The following CATSPERE variants were observed in gnomAD, a reference collection of about 807,000 sequenced individuals.
CATSPERE encodes the protein cation channel sperm-associated auxiliary subunit epsilon.
Under a neutral mutation model 114.1 loss-of-function variants are expected in CATSPERE, and 93 were observed. The ratio of observed to expected loss-of-function variants is 0.81; its 90% CI spans 0.69 to 0.97. The LOEUF (loss-of-function observed/expected upper bound fraction) is 0.97, where lower values mean the gene tolerates loss of function less well. Ranked by LOEUF, CATSPERE falls within the 50% of genes least tolerant of loss-of-function variation. CATSPERE has a pLI of 0.00. For missense variants in CATSPERE, 1,058 were observed against 1,131.6 expected (o/e 0.93, Z 0.93); for synonymous variants, 341 against 384.1 (o/e 0.89, Z 1.31).
At chr1:244,591,126 T>G (rs1667671106) in intron 14 of CATSPERE, among the ~76,000 whole-genome samples, 1 of 151,460 alleles carries the variant, frequency 6.6e-6, no homozygotes, top group African/African-American at 2.4e-5. Flanking sequence ...GGGGAGTTTT[T>G]GGTTTTTGTT....
At chr1:244,557,955 A>G (rs1427819365) in intron 9 of CATSPERE, among the ~76,000 whole-genome samples, 1 of 151,666 alleles carries the variant, frequency 6.6e-6, no homozygotes, top group African/African-American at 2.4e-5. Context: ...TGGTAAGTGC[A>G]TCTGAGTTTT....
chr1:244,572,830 T>C (rs1419340696), intron 11 of CATSPERE, 58 bp downstream of exon 11: 6 of 1,163,242 alleles, frequency 5.2e-6, no homozygotes, highest in Non-Finnish European at 7.0e-6. Context: ...AGTATAATAT[T>C]AACATTTTTG....
chr1:244,451,314 G>C (rs575994900), upstream of CATSPERE, among the ~76,000 whole-genome samples: 1 of 152,230 alleles, frequency 6.6e-6, no homozygotes, highest in Admixed American at 6.5e-5. The surrounding 1 kb of genome is among the most constrained non-coding windows in gnomAD (Gnocchi z 6.6). Context: ...CCTCCACCCC[G>C]GCCTCAGTCC....
intron 20 of CATSPERE, among the ~76,000 whole-genome samples, chr1:244,625,840 C>T (rs778670340): frequency 6.6e-6 from 1 of 151,388 alleles, no homozygotes; most frequent in Admixed American, 6.6e-5. Flanking sequence ...CCTTTTGCCT[C>T]GGCCTCCCAA....
rs566194559 is a variant in CATSPERE, at chr1:244,536,078, G to A, written c.537-16244G>A. 4.6e-5 allele frequency among the ~76,000 whole-genome samples: 7 copies of A among 151,978 alleles called. 1 individual carries two copies. The South Asian group carries it at 1.5e-3, about 32-fold the overall frequency. The stretch of plus-strand genomic sequence containing the variant: ...GTCTAGGAACTAGGGCCTGGCATGG[G>A]GGCCTCAGGACTGCCCAGTGCCCTT... On this transcript the variant is annotated intron_variant, in intron 8 of 21. Coordinates refer to ENST00000366534, the MANE Select transcript of CATSPERE (RefSeq NM_001130957.2).
chr1:244,494,105 T>TATAC (rs1473141555), intron 6 of CATSPERE, among the ~76,000 whole-genome samples: 1 of 152,144 alleles, frequency 6.6e-6, no homozygotes, highest in African/African-American at 2.4e-5. Context: ...TTACTGGGTA[T>TATAC]ATACCCAAAG....
intron 2 of CATSPERE, among the ~76,000 whole-genome samples, chr1:244,469,219 A>T (rs902874845): frequency 5.9e-5 from 9 of 152,172 alleles, no homozygotes; most frequent in Admixed American, 5.2e-4. Flanking sequence ...TTTTATTAGT[A>T]AAACATTTAA....
chr1:244,515,220 G>A (rs1413034852), intron 7 of CATSPERE: 2 of 433,256 alleles, frequency 4.6e-6, no homozygotes, highest in Non-Finnish European at 6.1e-6. Context: ...AATTCCTCAA[G>A]CATAGTAACT....
At chr1:244,634,322 C>G (rs12117123) in intron 20 of CATSPERE, among the ~76,000 whole-genome samples, 1 of 152,034 alleles carries the variant, frequency 6.6e-6, no homozygotes, top group African/African-American at 2.4e-5. Flanking sequence ...CTTTTTGAGC[C>G]GTTCTGTATC....
At chr1:244,560,445 A>G (rs1187213913) in intron 9 of CATSPERE, among the ~76,000 whole-genome samples, 1 of 151,990 alleles carries the variant, frequency 6.6e-6, no homozygotes, top group Non-Finnish European at 1.5e-5. Flanking sequence ...GGGATAAAAG[A>G]CTATACATTG....
At chr1:244,489,450 ATTTTTTTTT>A (rs10524749) in intron 5 of CATSPERE, among the ~76,000 whole-genome samples, 1,635 of 85,596 alleles carry the variant, frequency 0.019, 57 homozygotes, top group African/African-American at 0.064. Flanking sequence ...AAGCATGCAG[ATTTTTTTTT>A]TTTTTTTTTT....
chr1:244,468,842 T>C (rs1668016303), intron 2 of CATSPERE, among the ~76,000 whole-genome samples: 1 of 152,132 alleles, frequency 6.6e-6, no homozygotes, highest in Admixed American at 6.5e-5. Flanking sequence ...TGCTTGAGCC[T>C]GGCAGGGAGA....
At chr1:244,570,979 GCTAA>G (rs1264520688) in intron 10 of CATSPERE, among the ~76,000 whole-genome samples, 1 of 152,104 alleles carries the variant, frequency 6.6e-6, no homozygotes, top group Admixed American at 6.6e-5. Flanking sequence ...GACAAACCTG[GCTAA>G]AGAACAGACA....
At chr1:244,604,565 A>C (rs1669720460) in intron 17 of CATSPERE, among the ~76,000 whole-genome samples, 1 of 152,200 alleles carries the variant, frequency 6.6e-6, no homozygotes, top group Non-Finnish European at 1.5e-5. Context: ...GTGCAGCAAG[A>C]AGCTCTACCA....
At chr1:244,492,337 C>T (rs1558363721) in intron 6 of CATSPERE, among the ~76,000 whole-genome samples, 2 of 151,948 alleles carry the variant, frequency 1.3e-5, no homozygotes, top group Non-Finnish European at 2.9e-5. Flanking sequence ...GAAGCAAAGA[C>T]AAAAACCACA....
In CATSPERE at chr1:244,477,905, G is replaced by A. The variant is rs1240179300; in HGVS notation, c.189-1G>A. 1 of 1,600,856 alleles carries A rather than the reference G, an allele frequency of 6.2e-7. No individual in the cohort carries two copies. The highest frequency in any genetic ancestry group is 1.3e-5 in the African/African-American group (1 of 74,552). ...TTCTTTCTCATCTTTTTAAACACTAGCTCACCCACGACAGAATTGCGTTGT... is the reference window on the plus strand; with the variant it reads ...TTCTTTCTCATCTTTTTAAACACTAACTCACCCACGACAGAATTGCGTTGT... On this transcript the variant is annotated splice_acceptor_variant, in intron 3 of 21. Transcript: ENST00000366534. LOFTEE classifies it high-confidence loss of function.
chr1:244,632,287 G>A (rs938418466), intron 20 of CATSPERE, among the ~76,000 whole-genome samples: 1 of 151,442 alleles, frequency 6.6e-6, no homozygotes, highest in Non-Finnish European at 1.5e-5. Flanking sequence ...CCAGCTACTT[G>A]GGAGGCTGAG....
At chr1:244,561,169 C>T in intron 10 of CATSPERE, 24 bp downstream of exon 10, 1 of 1,418,196 alleles carries the variant, frequency 7.1e-7, no homozygotes, top group Non-Finnish European at 9.8e-7. Context: ...AGTCCACTAA[C>T]ATTATTCTAG....
intron 20 of CATSPERE, among the ~76,000 whole-genome samples, chr1:244,632,211 T>C (rs1674032794): frequency 1.3e-5 from 2 of 151,956 alleles, no homozygotes; most frequent in Admixed American, 6.6e-5. Context: ...CTGGCCAACA[T>C]AGTGAAACCC....
Sources: allele counts gnomAD v4.1 joint callset (sites outside exome capture counted in the v4.1 genomes callset), GRCh38; gene constraint gnomAD v4.1.1; non-coding constraint Gnocchi (gnomAD v3.1); transcripts MANE v1.5; gene names NCBI Gene and HGNC (gene_info 2026-07-23, HGNC 2026-07-21).